The following KDM4D variants were observed in gnomAD, a reference collection of about 807,000 sequenced individuals.
KDM4D encodes lysine demethylase 4D.
For synonymous variants in KDM4D, 254 were observed against 249.1 expected (o/e 1.02, Z -0.19); for missense variants, 427 against 674.8 (o/e 0.63, Z 4.07).
chr11:94,986,759 A>G (rs1422004636), intron 2 of KDM4D, among the ~76,000 whole-genome samples: 1 of 152,170 alleles, frequency 6.6e-6, no homozygotes, highest in Non-Finnish European at 1.5e-5. Context: ...CTGTGTAGCA[A>G]TTTCTTAAAA....
At position 94,983,541 on chromosome 11, in the gene KDM4D, A is replaced by T. The variant is rs184744014; in HGVS notation, c.-350+7793A>T. Among the ~76,000 whole-genome samples the T allele has an allele frequency of 5.1e-4, 77 of 152,296 alleles. 1 individual carries two copies. Among genetic ancestry groups the T allele is most frequent in the Admixed American group, 4.6e-3 (71 of 15,302 alleles). On this transcript the variant is annotated intron_variant, in intron 2 of 2. Transcript: ENST00000335080. ...GCTGAGATAAGTTATTTGCAACAAT[A>T]CAATAGACATAAAATTATCCCAAAC... is the stretch of plus-strand genomic sequence containing the variant.
rs1463213956 is a variant in KDM4D, at chr11:94,998,202, A to G, written c.830A>G (p.Tyr277Cys). 5 of 1,613,986 alleles carry G rather than the reference A, an allele frequency of 3.1e-6. No individual in the cohort carries two copies. In the African/African-American group the frequency reaches 5.3e-5, roughly 17 times the overall value. ...GGAGAGTTCATGGTGACCTTTCCCT[A>G]TGGCTACCATGCTGGCTTCAACCAT... ...EAGEFMVTFP[Y>C]GYHAGFNHGF... The change falls in exon 3 of 3, where the codon TAT (tyrosine) becomes TGT (cysteine). Residue 277 changes from tyrosine to cysteine, a missense_variant. By Grantham distance (194) the Tyr-to-Cys change is radical. Transcript: ENST00000335080. This position sits in a 1 kb window ranked among gnomAD's most constrained non-coding sequence, Gnocchi z 6.7.
rs782283514 is a variant in KDM4D at position 94,998,614 on chromosome 11, T to C, written c.1242T>C (p.Thr414=). Reference sequence around the variant, plus strand: ...CACGCCGATCTGCAGTTAGTGGCACTGCTACGCAGCCCCGGGCTGCTGCTG... The same window carrying C: ...CACGCCGATCTGCAGTTAGTGGCACCGCTACGCAGCCCCGGGCTGCTGCTG... ...SLPRRSAVSG[T]ATQPRAAAVH... Residue 414 remains threonine (T), a synonymous_variant, in exon 3 of 3, where the codon ACT becomes ACC. Coordinates refer to ENST00000335080, the MANE Select transcript of KDM4D (RefSeq NM_018039.3). The surrounding 1 kb of genome is among the most constrained non-coding windows in gnomAD (Gnocchi z 6.7). 2.5e-6 allele frequency: 4 copies of C among 1,614,164 alleles called. No individual in the cohort carries two copies. The highest frequency in any genetic ancestry group is 3.4e-6 in the Non-Finnish European group (4 of 1,180,038).
chr11:94,979,846 G>A (rs967318733), intron 2 of KDM4D, among the ~76,000 whole-genome samples: 6 of 152,164 alleles, frequency 3.9e-5, no homozygotes, highest in Non-Finnish European at 5.9e-5. Flanking sequence ...AACAGGAGAT[G>A]AGAGTTCTTG....
At chr11:94,985,630 C>T (rs1463961762) in intron 2 of KDM4D, among the ~76,000 whole-genome samples, 1 of 151,878 alleles carries the variant, frequency 6.6e-6, no homozygotes, top group Non-Finnish European at 1.5e-5. Flanking sequence ...CCAAAACAAT[C>T]TTGAAAAAAA....
chr11:94,996,806 C>T (rs1436573969), intron 2 of KDM4D, among the ~76,000 whole-genome samples: 1 of 152,106 alleles, frequency 6.6e-6, no homozygotes, highest in African/African-American at 2.4e-5. Context: ...AGAAACTGTC[C>T]AAATAGTTTT....
intron 2 of KDM4D, among the ~76,000 whole-genome samples, chr11:94,988,803 A>G (rs1372228706): frequency 6.6e-6 from 1 of 152,220 alleles, no homozygotes; most frequent in African/African-American, 2.4e-5. Context: ...CTTCTGGTAG[A>G]TATGCTTTAC....
chr11:94,986,858 G>A (rs1456261758), intron 2 of KDM4D, among the ~76,000 whole-genome samples: 1 of 152,096 alleles, frequency 6.6e-6, no homozygotes, highest in Non-Finnish European at 1.5e-5. Flanking sequence ...ACATAAACTT[G>A]TACATGAATG....
At chr11:94,975,418 C>A (rs1857789459) in intron 1 of KDM4D, among the ~76,000 whole-genome samples, 1 of 152,176 alleles carries the variant, frequency 6.6e-6, no homozygotes, top group Non-Finnish European at 1.5e-5. Context: ...TCTGCCCTTT[C>A]CTAGCTCTAT....
chr11:94,985,936 A>G (rs1386206486), intron 2 of KDM4D, among the ~76,000 whole-genome samples: 3 of 152,224 alleles, frequency 2.0e-5, no homozygotes, highest in African/African-American at 7.2e-5. Context: ...AATGTGAGCT[A>G]AAACTATAAA....
At chr11:94,978,549 G>T (rs959053318) in intron 2 of KDM4D, among the ~76,000 whole-genome samples, 1 of 152,162 alleles carries the variant, frequency 6.6e-6, no homozygotes, top group African/African-American at 2.4e-5. Context: ...GCCTCCAAAT[G>T]AAATATCATT....
At chr11:94,974,246 C>G (rs1180343308) in intron 1 of KDM4D, among the ~76,000 whole-genome samples, 178 bp downstream of exon 1, 7 of 152,144 alleles carry the variant, frequency 4.6e-5, no homozygotes, top group Non-Finnish European at 8.8e-5. Context: ...ATTAAGATGG[C>G]TACTTAAGTG....
At chr11:94,974,792 A>C (rs1036790186) in intron 1 of KDM4D, among the ~76,000 whole-genome samples, 1 of 152,226 alleles carries the variant, frequency 6.6e-6, no homozygotes, top group Non-Finnish European at 1.5e-5. Context: ...TTCTACTGCC[A>C]CTACCCTTGC....
intron 2 of KDM4D, among the ~76,000 whole-genome samples, chr11:94,993,554 G>A (rs1185919195): frequency 3.5e-5 from 5 of 142,924 alleles, no homozygotes. Context: ...CTTACAAATT[G>A]TAGTATTTTC....
intron 2 of KDM4D, among the ~76,000 whole-genome samples, chr11:94,990,644 G>A (rs1555098593): frequency 6.6e-6 from 1 of 152,202 alleles, no homozygotes; most frequent in East Asian, 1.9e-4. Context: ...AAGGAAAACA[G>A]GTAGTGGCCA....
intron 2 of KDM4D, among the ~76,000 whole-genome samples, chr11:94,977,388 C>A (rs587692568): frequency 1.3e-5 from 2 of 152,176 alleles, no homozygotes; most frequent in Admixed American, 6.5e-5. Context: ...CTTTCCCCTA[C>A]CTCTTTGACC....
chr11:94,983,334 A>G (rs1857857856), intron 2 of KDM4D, among the ~76,000 whole-genome samples: 1 of 152,086 alleles, frequency 6.6e-6, no homozygotes, highest in South Asian at 2.1e-4. Context: ...GGCAAAACAA[A>G]TAAAAGTGAA....
chr11:94,997,177 C>A lies in KDM4D; in HGVS notation c.-196C>A. ...TAACGTCAATGCCTGGGCAAAGCTG[C>A]TGCCCAGAGTGGAATCTCACTAGTG... On this transcript the variant is annotated 5_prime_UTR_variant, in exon 3 of 3. It adds an upstream start codon to the 5' untranslated region. Transcript: ENST00000335080. 1 of 455,634 alleles carries A rather than the reference C, an allele frequency of 2.2e-6. No homozygotes were observed. The highest frequency in any genetic ancestry group is 3.8e-6 in the Non-Finnish European group (1 of 262,070). 28.2% of individuals were successfully genotyped at this position (455,634 alleles called of 1,614,324 possible).
intron 2 of KDM4D, among the ~76,000 whole-genome samples, chr11:94,991,129 C>G (rs1857931030): frequency 6.6e-6 from 1 of 152,208 alleles, no homozygotes; most frequent in Non-Finnish European, 1.5e-5. Context: ...AGGAGAAAGA[C>G]TGAAGCATCT....
Sources: gnomAD v4.1 joint callset for allele counts (sites outside exome capture counted in the v4.1 genomes callset) on GRCh38, gnomAD v4.1.1 for gene constraint, Gnocchi (gnomAD v3.1) non-coding constraint, MANE v1.5 for transcripts, NCBI Gene and HGNC (gene_info 2026-07-23, HGNC 2026-07-21) for gene names.